Variants in KCNIP4 observed in about 807,000 individuals in gnomAD.
KCNIP4 encodes Kv channel-interacting protein 4.
In KCNIP4, 12 loss-of-function variants were observed where a neutral mutation model predicts 34.0. That is an observed-to-expected ratio of 0.35 (90% CI 0.23 to 0.57). The LOEUF (loss-of-function observed/expected upper bound fraction) is 0.57. Among genes scored for constraint, KCNIP4 ranks in the 20% least tolerant of loss-of-function variants. The pLI is 0.83. For missense variants in KCNIP4, 238 were observed against 311.7 expected, an observed-to-expected ratio of 0.76 and a Z score of 1.78; for synonymous variants, 124 against 102.2, an observed-to-expected ratio of 1.21 and a Z score of -1.29.
At chr4:21,918,219 T>A in intron 1 of KCNIP4, among the ~76,000 whole-genome samples, 1 of 152,152 alleles carries the variant, frequency 6.6e-6, no homozygotes. Context: ...AGAGTGAAAC[T>A]AAAAATAATG....
chr4:21,709,245 T>A (rs1222938578), intron 1 of KCNIP4, among the ~76,000 whole-genome samples: 1 of 152,116 alleles, frequency 6.6e-6, no homozygotes, highest in Admixed American at 6.6e-5. Flanking sequence ...AGCCAACATA[T>A]ACAGATGATG....
chr4:21,636,025 A>G (rs1466035092), intron 1 of KCNIP4, among the ~76,000 whole-genome samples: 30 of 151,626 alleles, frequency 2.0e-4, no homozygotes, highest in Non-Finnish European at 4.1e-4. Flanking sequence ...CATTGTCAGT[A>G]AACTATCACA....
chr4:21,635,687 C>G lies in KCNIP4; in HGVS notation c.61+312884G>C, dbSNP rs200036039. ...GAAATAGGAACACTTTTACACTGTT[C>G]GTGGGACTGTAAACTAGTTCAACCA... On this transcript the variant is annotated intron_variant, in intron 1 of 8. Transcript: ENST00000382152. Among the ~76,000 whole-genome samples the G allele has an allele frequency of 1.4e-3, 219 of 152,158 alleles. 1 individual carries two copies. The highest frequency in any genetic ancestry group is 2.5e-3 in the African/African-American group (105 of 41,522).
intron 3 of KCNIP4, among the ~76,000 whole-genome samples, chr4:20,797,002 G>A (rs899352382): frequency 2.0e-5 from 3 of 152,106 alleles, no homozygotes; most frequent in African/African-American, 4.8e-5. Flanking sequence ...CAGGCCCTCC[G>A]GCCCTAACTG....
chr4:20,874,211 C>G (rs1031390209), intron 2 of KCNIP4, among the ~76,000 whole-genome samples: 4 of 152,154 alleles, frequency 2.6e-5, no homozygotes, highest in Non-Finnish European at 5.9e-5. Context: ...GGATAAGTAG[C>G]TTAACTAAAG....
intron 1 of KCNIP4, among the ~76,000 whole-genome samples, chr4:21,835,472 G>C (rs1723260406): frequency 6.7e-6 from 1 of 150,370 alleles, no homozygotes; most frequent in African/African-American, 2.4e-5. Context: ...TACTAACCTT[G>C]GATGACCCTG....
chr4:21,447,471 C>T (rs1728131932), intron 1 of KCNIP4, among the ~76,000 whole-genome samples: 1 of 152,146 alleles, frequency 6.6e-6, no homozygotes, highest in African/African-American at 2.4e-5. Context: ...GCTAATTTAT[C>T]ATAGCAGCCA....
intron 1 of KCNIP4, among the ~76,000 whole-genome samples, chr4:21,859,230 T>A (rs1009018176): frequency 9.9e-5 from 15 of 152,098 alleles, no homozygotes; most frequent in Non-Finnish European, 2.1e-4. Flanking sequence ...ATTTCCAGAT[T>A]TTTTGTGGAA....
intron 1 of KCNIP4, among the ~76,000 whole-genome samples, chr4:20,887,022 T>A (rs1205207405): frequency 6.6e-6 from 1 of 151,888 alleles, no homozygotes; most frequent in Non-Finnish European, 1.5e-5. Context: ...ACGTTAAAGA[T>A]AGTCATAATA....
intron 1 of KCNIP4, among the ~76,000 whole-genome samples, chr4:21,537,768 C>T (rs1467047190): frequency 6.6e-6 from 1 of 152,000 alleles, no homozygotes; most frequent in Non-Finnish European, 1.5e-5. Context: ...AATCCCTGAA[C>T]TTTGGGAGGC....
At chr4:21,555,195 A>G (rs1577587350) in intron 1 of KCNIP4, among the ~76,000 whole-genome samples, 1 of 152,138 alleles carries the variant, frequency 6.6e-6, no homozygotes, top group Admixed American at 6.6e-5. Context: ...GGCAAGCTGC[A>G]TTAACCTGTC....
At chr4:21,285,154 G>A (rs993611) in intron 1 of KCNIP4, among the ~76,000 whole-genome samples, 69,783 of 151,840 alleles carry the variant, frequency 0.46, 16,750 homozygotes, top group African/African-American at 0.59. Context: ...AGCCTATTTG[G>A]CACCCTTCTT....
intron 1 of KCNIP4, among the ~76,000 whole-genome samples, chr4:21,655,707 C>G (rs1473594161): frequency 6.6e-6 from 1 of 152,180 alleles, no homozygotes; most frequent in Non-Finnish European, 1.5e-5. Context: ...CACTATCCTA[C>G]AGAAGATGGC....
At chr4:21,622,494 T>C (rs529264687) in intron 1 of KCNIP4, among the ~76,000 whole-genome samples, 3 of 152,338 alleles carry the variant, frequency 2.0e-5, no homozygotes, top group South Asian at 2.1e-4. Context: ...CAACCTTGCT[T>C]TCCAGCTGTT....
intron 1 of KCNIP4, among the ~76,000 whole-genome samples, chr4:21,144,102 A>AT (rs771689367): frequency 6.6e-6 from 1 of 152,114 alleles, no homozygotes; most frequent in Non-Finnish European, 1.5e-5. Context: ...CAATACAAAT[A>AT]TTTTTGTCTA....
At chr4:21,680,552 G>C (rs1750267780) in intron 1 of KCNIP4, among the ~76,000 whole-genome samples, 1 of 152,166 alleles carries the variant, frequency 6.6e-6, no homozygotes, top group Non-Finnish European at 1.5e-5. Context: ...CAGATCATCA[G>C]AGGAATCACT....
intron 1 of KCNIP4, among the ~76,000 whole-genome samples, chr4:21,867,502 C>A (rs1725504202): frequency 6.6e-6 from 1 of 152,184 alleles, no homozygotes. Context: ...CTTCTACAGA[C>A]CAGTAGCGTT....
intron 1 of KCNIP4, among the ~76,000 whole-genome samples, chr4:21,317,737 G>T (rs1324631116): frequency 6.6e-6 from 1 of 152,132 alleles, no homozygotes; most frequent in African/African-American, 2.4e-5. Flanking sequence ...GTTGTGGGAG[G>T]GACCCGGTGG....
chr4:20,986,656 T>C (rs1040577583), intron 1 of KCNIP4, among the ~76,000 whole-genome samples: 5 of 152,210 alleles, frequency 3.3e-5, no homozygotes, highest in Non-Finnish European at 5.9e-5. Context: ...AATTCACGCT[T>C]TTCCCTTTAT....
Sources: gnomAD v4.1 joint callset for allele counts (sites outside exome capture counted in the v4.1 genomes callset) on GRCh38, gnomAD v4.1.1 for gene constraint, MANE v1.5 for transcripts, NCBI Gene and HGNC (gene_info 2026-07-23, HGNC 2026-07-21) for gene names.